Variants in DNAH5 observed in about 807,000 individuals in gnomAD.
The protein encoded by DNAH5 is axonemal beta dynein heavy chain 5.
DNAH5 carries 372 observed loss-of-function variants against 518.2 expected under a neutral mutation model. That is an observed-to-expected ratio of 0.72 (90% CI 0.66 to 0.78). The LOEUF (loss-of-function observed/expected upper bound fraction) is 0.78. DNAH5 is among the 30% of genes least tolerant of loss of function. The probability of loss-of-function intolerance (pLI) is 0.00; values close to 1 mark genes in which losing one functional copy is unlikely to be tolerated. For missense variants in DNAH5, 5,523 were observed against 5,687.0 expected, an observed-to-expected ratio of 0.97 and a Z score of 0.93; for synonymous variants, 2,039 against 2,025.9, an observed-to-expected ratio of 1.01 and a Z score of -0.17.
chr5:13,737,358 G>A lies in DNAH5; in HGVS notation c.11349C>T (p.Val3783=), dbSNP rs774415631. 1.8e-5 allele frequency: 29 copies of A among 1,614,006 alleles called. No homozygotes were observed. The highest frequency in any genetic ancestry group is 2.2e-5 in the Non-Finnish European group (26 of 1,180,018). Reference sequence around the variant, plus strand: ...CTGTCCTTTTTGTGTTACTCAGCACGACAATGAGACTTTCATCTTCTACCA... The same window carrying A: ...CTGTCCTTTTTGTGTTACTCAGCACAACAATGAGACTTTCATCTTCTACCA... ...GSLVEDESLI[V]VLSNTKRTAE... The change falls in exon 66 of 79, where the codon GTC becomes GTT. Residue 3783 remains valine, a synonymous_variant. Transcript: ENST00000265104.
In DNAH5 at chr5:13,759,652, T is replaced by C. The variant is rs560912187; in HGVS notation, c.10282-669A>G. ...CTTGAGCTGTGACTAATTAAAAATG[T>C]TTATTTTAAAGAAGCTATTAAGATA... On this transcript the variant is annotated intron_variant, in intron 60 of 78. Transcript: ENST00000265104. Among the ~76,000 whole-genome samples, 5 of 152,342 alleles carry C rather than the reference T, an allele frequency of 3.3e-5. No homozygotes were observed. The South Asian group carries it at 8.3e-4, about 25-fold the overall frequency.
At chr5:13,735,612 T>C (rs769563419) in intron 67 of DNAH5, among the ~76,000 whole-genome samples, 12 of 152,150 alleles carry the variant, frequency 7.9e-5, no homozygotes, top group Admixed American at 4.6e-4. Flanking sequence ...AGGAATCAAA[T>C]CAATGGATAA....
chr5:13,705,251 C>T (rs896164632), intron 76 of DNAH5, among the ~76,000 whole-genome samples: 1 of 152,144 alleles, frequency 6.6e-6, no homozygotes, highest in African/African-American at 2.4e-5. Flanking sequence ...GCCTTGGCCT[C>T]CCAAAGTGCT....
intron 1 of DNAH5, among the ~76,000 whole-genome samples, chr5:13,990,507 C>T (rs888694485): frequency 3.3e-5 from 5 of 151,254 alleles, no homozygotes; most frequent in East Asian, 3.9e-4. Flanking sequence ...AAGCCGAGAT[C>T]GCACCACTGC....
chr5:13,792,714 A>G (rs988269511), intron 49 of DNAH5, among the ~76,000 whole-genome samples: 5 of 152,158 alleles, frequency 3.3e-5, no homozygotes, highest in Admixed American at 2.6e-4. Context: ...GATAATTCCA[A>G]TGTCTGTTGG....
At chr5:13,882,173 T>C (rs1771763857) in intron 21 of DNAH5, among the ~76,000 whole-genome samples, 1 of 151,784 alleles carries the variant, frequency 6.6e-6, no homozygotes, top group Non-Finnish European at 1.5e-5. Context: ...TAATTTAAAG[T>C]CTACAATCAA....
At position 13,800,552 on chromosome 5, in the gene DNAH5, A is replaced by T. The variant is rs552619088; in HGVS notation, c.7888-6494T>A. On this transcript the variant is annotated intron_variant, in intron 47 of 78. Coordinates refer to ENST00000265104, the MANE Select transcript of DNAH5 (RefSeq NM_001369.3). ...TAAAGTATCTCTTCCTACCTAAACA[A>T]CAGTAGGCCCCCATTCCATTATGTC... is the stretch of plus-strand genomic sequence containing the variant. Among the ~76,000 whole-genome samples, 139 of 152,220 alleles carry T rather than the reference A, an allele frequency of 9.1e-4. 1 individual carries two copies. The Middle Eastern group carries it at 0.01, about 11-fold the overall frequency.
intron 55 of DNAH5, among the ~76,000 whole-genome samples, chr5:13,772,660 CAT>C (rs1305432283): frequency 3.3e-5 from 5 of 152,180 alleles, no homozygotes; most frequent in Non-Finnish European, 7.3e-5. Flanking sequence ...TAAATTCATA[CAT>C]ATAAAAAACT....
intron 78 of DNAH5, among the ~76,000 whole-genome samples, chr5:13,694,098 A>T (rs1365325543): frequency 6.6e-6 from 1 of 152,196 alleles, no homozygotes; most frequent in African/African-American, 2.4e-5. Flanking sequence ...ATAAACCTTG[A>T]AGTAAGCCTT....
intron 5 of DNAH5, among the ~76,000 whole-genome samples, chr5:13,920,928 G>C (rs1339588186): frequency 6.6e-6 from 1 of 151,912 alleles, no homozygotes; most frequent in Non-Finnish European, 1.5e-5. Context: ...ATTGCAATAT[G>C]AAGTGGACCC....
At position 13,862,675 on chromosome 5, in the gene DNAH5, T is replaced by G. The variant is rs767321919; in HGVS notation, c.4669A>C (p.Asn1557His). ...AAGCTGCCGAAGGTGAATGTTTTAT[T>G]GTCCCATTCATTAATCACTTGCTTC... ...KLKQVINEWD[N>H]KTFTFGSFKT... The change falls in exon 29 of 79, where the codon AAT becomes CAT. Residue 1557 changes from asparagine (N) to histidine (H), a missense_variant. Asn to His is a moderately conservative substitution (Grantham distance 68). Around this residue, in one of 3 missense-constraint regions of DNAH5, gnomAD observed 5,121 missense variants for 5,223.3 expected, o/e 0.98. Transcript: ENST00000265104. 1 of 1,613,920 alleles carries G rather than the reference T, an allele frequency of 6.2e-7. No homozygotes were observed. Among genetic ancestry groups the G allele is most frequent in the Non-Finnish European group, 8.5e-7 (1 of 1,179,976 alleles).
intron 1 of DNAH5, among the ~76,000 whole-genome samples, chr5:13,994,086 T>C (rs777412639): frequency 1.6e-4 from 24 of 152,206 alleles, no homozygotes; most frequent in Non-Finnish European, 3.4e-4. Flanking sequence ...CCATGACTCC[T>C]GCCCCGCACG....
At chr5:13,779,202 C>T (rs1457302561) in intron 53 of DNAH5, among the ~76,000 whole-genome samples, 1 of 152,180 alleles carries the variant, frequency 6.6e-6, no homozygotes, top group Non-Finnish European at 1.5e-5. Context: ...AATCCCTTTC[C>T]TGTGCAGGTT....
chr5:13,878,532 C>T (rs115578376), intron 21 of DNAH5, among the ~76,000 whole-genome samples: 144 of 152,276 alleles, frequency 9.5e-4, no homozygotes, highest in African/African-American at 3.4e-3. Flanking sequence ...CACAGCTGAG[C>T]ACTTCATGAG....
In DNAH5 at chr5:13,730,993, C is replaced by T. The variant is rs184005039; in HGVS notation, c.11762-1433G>A. Among the ~76,000 whole-genome samples the T allele has an allele frequency of 4.1e-3, 618 of 152,252 alleles. 17 individuals are homozygous for T. Among genetic ancestry groups the T allele is most frequent in the Non-Finnish European group, 1.3e-3 (87 of 68,014 alleles). On this transcript the variant is annotated intron_variant, in intron 68 of 78. Transcript: ENST00000265104. The stretch of plus-strand genomic sequence containing the variant: ...CACTGGGATTAAAGGCATGAGCCAC[C>T]GCGCCCGGCCTACGCATTATTCATA...
intron 55 of DNAH5, 191 bp from the exon 56 acceptor site, chr5:13,771,171 A>G: frequency 1.7e-6 from 1 of 590,848 alleles, no homozygotes; most frequent in South Asian, 2.0e-5. Flanking sequence ...TCTGTTGTAT[A>G]TATAAAACTA....
At chr5:13,698,002 G>A (rs529516330) in intron 78 of DNAH5, among the ~76,000 whole-genome samples, 85 of 152,246 alleles carry the variant, frequency 5.6e-4, no homozygotes, top group African/African-American at 1.5e-3. Context: ...GGGTCAAAAG[G>A]GTGAATCCCT....
intron 77 of DNAH5, 113 bp from the exon 78 acceptor site, chr5:13,700,984 T>C: frequency 8.7e-7 from 1 of 1,148,918 alleles, no homozygotes; most frequent in Non-Finnish European, 1.3e-6. Context: ...GGACGTACAA[T>C]AGTATTTAAA....
intron 44 of DNAH5, among the ~76,000 whole-genome samples, chr5:13,811,365 A>G (rs1760680690): frequency 6.6e-6 from 1 of 152,218 alleles, no homozygotes; most frequent in Admixed American, 6.5e-5. Context: ...ACACACAGTA[A>G]TAATTTTGGG....
Sources: allele counts gnomAD v4.1 joint callset (sites outside exome capture counted in the v4.1 genomes callset), GRCh38; gene constraint gnomAD v4.1.1; regional missense constraint gnomAD v4.1.1; transcripts MANE v1.5; gene names NCBI Gene and HGNC (gene_info 2026-07-23, HGNC 2026-07-21).